The following CACNA2D2 variants were observed in gnomAD, a reference collection of about 807,000 sequenced individuals.
CACNA2D2 encodes the protein calcium voltage-gated channel auxiliary subunit alpha2delta 2.
CACNA2D2 carries 48 observed loss-of-function variants against 166.4 expected under a neutral mutation model. The ratio of observed to expected loss-of-function variants is 0.29; its 90% CI spans 0.23 to 0.37. CACNA2D2 has a LOEUF of 0.37. CACNA2D2 is among the 10% of genes least tolerant of loss of function. CACNA2D2 has a pLI of 1.00. For missense variants in CACNA2D2, 1,122 were observed against 1,433.0 expected (o/e 0.78, Z 3.50); for synonymous variants, 561 against 573.7 (o/e 0.98, Z 0.32).
At chr3:50,441,004 G>A (rs1342821577) in intron 2 of CACNA2D2, among the ~76,000 whole-genome samples, 1 of 152,100 alleles carries the variant, frequency 6.6e-6, no homozygotes, top group Non-Finnish European at 1.5e-5. Context: ...CAGGTGCAAA[G>A]GCTGGGAGAA....
chr3:50,373,809 G>C (rs1286517779), intron 22 of CACNA2D2, among the ~76,000 whole-genome samples: 2 of 119,240 alleles, frequency 1.7e-5, no homozygotes, highest in African/African-American at 3.4e-5. Context: ...AGTGAGAGGA[G>C]AAGGATGAGA....
intron 2 of CACNA2D2, 43 bp downstream of exon 2, chr3:50,476,075 G>C: frequency 6.8e-7 from 1 of 1,480,934 alleles, no homozygotes; most frequent in Non-Finnish European, 9.3e-7. Context: ...CCCTTCCCTT[G>C]GAAGAGGGTC....
At chr3:50,416,278 G>A (rs1232353999) in intron 3 of CACNA2D2, 1 of 152,392 alleles carries the variant, frequency 6.6e-6, no homozygotes. Flanking sequence ...CAAGACAGAA[G>A]ACAGGACCAG....
chr3:50,424,974 GC>G (rs1707741573), intron 3 of CACNA2D2, among the ~76,000 whole-genome samples: 1 of 152,130 alleles, frequency 6.6e-6, no homozygotes, highest in Non-Finnish European at 1.5e-5. Context: ...ACCCCTGTAA[GC>G]CAAGGTACCT....
chr3:50,407,974 C>A (rs1056441859), intron 3 of CACNA2D2, among the ~76,000 whole-genome samples: 1 of 152,166 alleles, frequency 6.6e-6, no homozygotes, highest in Non-Finnish European at 1.5e-5. Context: ...GGGATTGGTG[C>A]GGTAGGTGTT....
intron 3 of CACNA2D2, 134 bp downstream of exon 3, chr3:50,434,179 C>T: frequency 1.5e-6 from 1 of 689,042 alleles, no homozygotes. Flanking sequence ...GTGGGCACAG[C>T]CCTGCTGATG....
intron 1 of CACNA2D2, among the ~76,000 whole-genome samples, chr3:50,501,313 A>G (rs942256299): frequency 6.6e-6 from 1 of 152,104 alleles, no homozygotes; most frequent in Admixed American, 6.5e-5. Flanking sequence ...ACTGGCTGTC[A>G]CAGCAAACCC....
At chr3:50,466,272 ATGTGTGTGTGTGTGTG>A (rs10678919) in intron 2 of CACNA2D2, among the ~76,000 whole-genome samples, 1 of 149,406 alleles carries the variant, frequency 6.7e-6, no homozygotes, top group Non-Finnish European at 1.5e-5. Context: ...GTGTGTGCGC[ATGTGTGTGTGTGTGTG>A]TGTGTGTGCT....
chr3:50,372,359 C>T (rs1704696096), intron 22 of CACNA2D2, among the ~76,000 whole-genome samples: 2 of 152,234 alleles, frequency 1.3e-5, no homozygotes, highest in African/African-American at 4.8e-5. Context: ...CTTTTCCATA[C>T]TGCCAAGCCA....
In CACNA2D2 at chr3:50,376,651, G is replaced by A. The variant is rs1705015176; in HGVS notation, c.1627-463C>T. ...GGCTTCCCTTCCAGGTGGAAGGGAA[G>A]TAGGAGTAAGTGGGACCTGGACCTA... On this transcript the variant is annotated intron_variant, in intron 17 of 37. Coordinates refer to ENST00000424201, the MANE Select transcript of CACNA2D2 (RefSeq NM_006030.4). The surrounding 1 kb of genome is among the most constrained non-coding windows in gnomAD (Gnocchi z 4.3). 6.6e-6 allele frequency among the ~76,000 whole-genome samples: 1 copy of A among 152,212 alleles called. No individual in the cohort carries two copies. Among genetic ancestry groups the A allele is most frequent in the Non-Finnish European group, 1.5e-5 (1 of 68,022 alleles).
intron 1 of CACNA2D2, among the ~76,000 whole-genome samples, chr3:50,499,803 C>T (rs1052742865): frequency 6.6e-6 from 1 of 152,248 alleles, no homozygotes; most frequent in South Asian, 2.1e-4. Context: ...AATGAGTTTC[C>T]TCCTTTCTCA....
intron 3 of CACNA2D2, among the ~76,000 whole-genome samples, chr3:50,400,450 T>C (rs1706391311): frequency 1.3e-5 from 2 of 152,278 alleles, no homozygotes; most frequent in African/African-American, 4.8e-5. Flanking sequence ...GCCTGCTACA[T>C]GCATGACGGC....
At chr3:50,397,119 C>T (rs552141113) in intron 3 of CACNA2D2, among the ~76,000 whole-genome samples, 2 of 152,202 alleles carry the variant, frequency 1.3e-5, no homozygotes, top group African/African-American at 4.8e-5. Context: ...GCAGACAGGG[C>T]AAGGGAGACC....
In CACNA2D2 at chr3:50,365,612, C is replaced by A; in HGVS notation, c.2971+21G>T. The A allele has an allele frequency of 6.4e-7, 1 of 1,572,434 alleles. No individual in the cohort carries two copies. Among genetic ancestry groups the A allele is most frequent in the Admixed American group, 1.9e-5 (1 of 52,554 alleles). On this transcript the variant is annotated intron_variant, in intron 34 of 37. Coordinates refer to ENST00000424201, the MANE Select transcript of CACNA2D2 (RefSeq NM_006030.4). This position sits in a 1 kb window ranked among gnomAD's most constrained non-coding sequence, Gnocchi z 4.5. ...GATTGGGGACCCGGACTTGAGGAGG[C>A]GCCTCCAAAGCCCTACCTACCTGCT... is the stretch of plus-strand genomic sequence containing the variant.
At chr3:50,477,493 G>C (rs1412071015) in intron 1 of CACNA2D2, among the ~76,000 whole-genome samples, 1 of 152,144 alleles carries the variant, frequency 6.6e-6, no homozygotes, top group African/African-American at 2.4e-5. Context: ...CCCTTAAGCA[G>C]AGCCAGATCA....
chr3:50,459,038 G>A (rs1354020392), intron 2 of CACNA2D2, among the ~76,000 whole-genome samples: 3 of 152,224 alleles, frequency 2.0e-5, no homozygotes, highest in Admixed American at 1.3e-4. Flanking sequence ...CCTGTGAGGT[G>A]GCCCCACATC....
intron 22 of CACNA2D2, 32 bp downstream of exon 22, chr3:50,374,705 T>A: frequency 6.4e-7 from 1 of 1,568,462 alleles, no homozygotes; most frequent in East Asian, 2.4e-5. Context: ...AGAGGCAGGG[T>A]GCAGGGCGCA....
intron 2 of CACNA2D2, among the ~76,000 whole-genome samples, chr3:50,473,998 GC>G (rs1710205528): frequency 6.6e-6 from 1 of 152,250 alleles, no homozygotes; most frequent in African/African-American, 2.4e-5. Context: ...CTGCCTGCCT[GC>G]CACGCTGAGC....
At chr3:50,393,098 C>T (rs1705964564) in intron 4 of CACNA2D2, among the ~76,000 whole-genome samples, 1 of 152,154 alleles carries the variant, frequency 6.6e-6, no homozygotes, top group African/African-American at 2.4e-5. Context: ...TGACACCCGA[C>T]AGCCAGCTGT....
Sources: gnomAD v4.1 joint callset for allele counts (sites outside exome capture counted in the v4.1 genomes callset) on GRCh38, gnomAD v4.1.1 for gene constraint, Gnocchi (gnomAD v3.1) non-coding constraint, MANE v1.5 for transcripts, NCBI Gene and HGNC (gene_info 2026-07-23, HGNC 2026-07-21) for gene names.